PVRIG: variants seen among roughly 807,000 people sequenced by gnomAD.
PVRIG encodes the protein transmembrane protein PVRIG.
A neutral mutation model predicts 21.9 loss-of-function variants in PVRIG; 16 were observed. That is an observed-to-expected ratio of 0.73 (90% CI 0.50 to 1.11). PVRIG has a LOEUF of 1.11. PVRIG is among the 50% of genes most tolerant of loss of function. The pLI is 0.00. For synonymous variants in PVRIG, 190 were observed against 181.0 expected (o/e 1.05, Z -0.40); for missense variants, 435 against 445.7 (o/e 0.98, Z 0.22).
chr7:100,219,909 C>T (rs568591665), exon 2 of PVRIG: 17 of 1,548,316 alleles, frequency 1.1e-5, no homozygotes, highest in East Asian at 4.9e-5. Flanking sequence ...AGACTTCCTG[C>T]GATGAGAACA....
exon 6 of PVRIG, chr7:100,220,978 C>A (rs1323783946): frequency 2.5e-6 from 4 of 1,597,182 alleles, no homozygotes; most frequent in Non-Finnish European, 3.4e-6. Context: ...ATGCCACTAT[C>A]AACACCAGCT....
exon 3 of PVRIG, chr7:100,220,227 G>A (rs771743740): frequency 6.3e-7 from 1 of 1,590,134 alleles, no homozygotes; most frequent in Non-Finnish European, 8.6e-7. Context: ...TGTGAGCTGG[G>A]GGGGCCCCAA....
chr7:100,220,111 C>T lies in PVRIG; in HGVS notation c.119-3C>T. The stretch of plus-strand genomic sequence containing the variant: ...GCCCACCGACCTTGCTGCTGTTCCA[C>T]AGGGACCCCGGAGGTGTGGGTTCAA... On this transcript the variant is annotated splice_polypyrimidine_tract_variant and splice_region_variant and intron_variant, in intron 2 of 5. Coordinates refer to ENST00000317271, the Ensembl canonical transcript of PVRIG. The T allele has an allele frequency of 3.1e-6, 5 of 1,601,236 alleles. No homozygotes were observed. The highest frequency in any genetic ancestry group is 1.1e-5 in the South Asian group (1 of 88,894).
exon 6 of PVRIG, chr7:100,221,159 G>A (rs149675268): frequency 6.2e-7 from 1 of 1,613,092 alleles, no homozygotes; most frequent in Non-Finnish European, 8.5e-7. Context: ...CGCTCAGGCA[G>A]GGGAGAGGCC....
intron 5 of PVRIG, 31 bp from the exon 5 acceptor site, chr7:100,220,897 A>C: frequency 6.3e-7 from 1 of 1,587,550 alleles, no homozygotes; most frequent in African/African-American, 1.4e-5. Context: ...CAAGCTGTGC[A>C]GACTCACTTG....
chr7:100,219,612 C>G (rs1803067861), intron 1 of PVRIG: 1 of 502,138 alleles, frequency 2.0e-6, no homozygotes. Context: ...AGGGGCGGGA[C>G]AGAGCCCTTT....
exon 3 of PVRIG, chr7:100,220,357 C>T: frequency 6.4e-7 from 1 of 1,563,562 alleles, no homozygotes; most frequent in Non-Finnish European, 8.7e-7. Context: ...CTGGAAGGCT[C>T]TGGGGCCAGC....
exon 3 of PVRIG, chr7:100,220,334 C>T (rs770897488): frequency 6.4e-6 from 10 of 1,557,560 alleles, no homozygotes; most frequent in Non-Finnish European, 8.7e-6. Context: ...CCCAGAGCAG[C>T]ATCTCTCTCA....
At chr7:100,220,370 C>A (rs760409318) in exon 3 of PVRIG, 1 of 1,570,116 alleles carries the variant, frequency 6.4e-7, no homozygotes, top group African/African-American at 1.4e-5. Flanking sequence ...GGGCCAGCAG[C>A]CCCTGCGCCA....
exon 3 of PVRIG, chr7:100,220,409 C>T: frequency 6.3e-7 from 1 of 1,599,224 alleles, no homozygotes; most frequent in South Asian, 1.1e-5. Flanking sequence ...AGTTTGCGTC[C>T]TTCCCTGAGG....
exon 3 of PVRIG, chr7:100,220,291 A>C: frequency 1.3e-6 from 2 of 1,560,558 alleles, no homozygotes; most frequent in Non-Finnish European, 1.7e-6. Flanking sequence ...GGCATCCGGC[A>C]ATGGGCCCCT....
rs1366788027 is a variant in PVRIG at position 100,221,195 on chromosome 7, CTT to C, written c.928_929del (p.Phe310ProfsTer2). 9 of 1,610,016 alleles carry C rather than the reference CTT, an allele frequency of 5.6e-6. No individual in the cohort carries two copies. Among genetic ancestry groups the C allele is most frequent in the Non-Finnish European group, 7.6e-6 (9 of 1,179,466 alleles). The stretch of plus-strand genomic sequence containing the variant: ...TCCTCACACTGGTCCCGGCCTCACT[CTT>C]TTCCCTGACCCTCGGGGGCCCAGGG... On this transcript the variant is annotated frameshift_variant, in exon 6 of 6. Coordinates refer to ENST00000317271, the Ensembl canonical transcript of PVRIG. LOFTEE classifies it low-confidence loss of function (END_TRUNC).
chr7:100,221,231 G>A, exon 6 of PVRIG: 1 of 1,583,252 alleles, frequency 6.3e-7, no homozygotes. Context: ...GGCCATGGAA[G>A]GACCCTTAGG....
At chr7:100,220,075 G>A (rs757792856) in intron 2 of PVRIG, 39 bp from the exon 2 acceptor site, 2 of 1,604,166 alleles carry the variant, frequency 1.2e-6, no homozygotes, top group Non-Finnish European at 8.5e-7. Flanking sequence ...GGAGGGTGAT[G>A]TAGGACAACA....
intron 5 of PVRIG, 48 bp from the exon 5 acceptor site, chr7:100,220,880 C>T (rs764128851): frequency 6.3e-7 from 1 of 1,597,990 alleles, no homozygotes; most frequent in Admixed American, 1.8e-5. Flanking sequence ...GGGGCCAGGG[C>T]TGGGCCCAAG....
chr7:100,219,955 T>C (rs556083855), exon 2 of PVRIG: 115 of 1,562,364 alleles, frequency 7.4e-5, no homozygotes, highest in African/African-American at 1.6e-4. Context: ...CCCCAGAACC[T>C]GGACTGGAGG....
exon 6 of PVRIG, chr7:100,221,437 T>A (rs1031429306): frequency 1.1e-5 from 5 of 475,608 alleles, no homozygotes; most frequent in African/African-American, 1.0e-4. Flanking sequence ...GTTACCCCAT[T>A]TCAGTCATTT....
intron 1 of PVRIG, chr7:100,219,458 T>G (rs1584840666): frequency 1.4e-5 from 3 of 209,424 alleles, no homozygotes; most frequent in Non-Finnish European, 2.9e-5. Flanking sequence ...AGGCTGGGGG[T>G]TGTGGGGGAG....
At chr7:100,220,929 C>T in exon 6 of PVRIG, 2 of 1,577,410 alleles carry the variant, frequency 1.3e-6, no homozygotes, top group South Asian at 1.2e-5. Context: ...CCCGCGCAGG[C>T]ACCAAGCCAG....
Sources: gnomAD v4.1 joint callset for allele counts on GRCh38, gnomAD v4.1.1 for gene constraint, MANE v1.5 for transcripts, NCBI Gene and HGNC (gene_info 2026-07-23, HGNC 2026-07-21) for gene names.